Variants in B3GALT1 observed in about 807,000 individuals in gnomAD.
The protein encoded by B3GALT1 is beta-1,3-galactosyltransferase 1.
Under a neutral mutation model 23.2 loss-of-function variants are expected in B3GALT1, and 10 were observed. The observed-to-expected ratio is 0.43, with a 90% CI of 0.27 to 0.73. The LOEUF (loss-of-function observed/expected upper bound fraction) is 0.73. Among genes scored for constraint, B3GALT1 ranks in the 30% least tolerant of loss-of-function variants. The probability of loss-of-function intolerance (pLI) is 0.21; values close to 1 mark genes in which losing one functional copy is unlikely to be tolerated. For synonymous variants in B3GALT1, 156 were observed against 141.5 expected, an observed-to-expected ratio of 1.10 and a Z score of -0.73; for missense variants, 299 against 405.4, an observed-to-expected ratio of 0.74 and a Z score of 2.25.
chr2:167,621,625 T>A (rs1216925063), intron 2 of B3GALT1, among the ~76,000 whole-genome samples: 1 of 152,036 alleles, frequency 6.6e-6, no homozygotes, highest in African/African-American at 2.4e-5. Context: ...CCAAATCTCA[T>A]CTTGAATTGT....
At chr2:167,810,174 C>G (rs1326728394) in intron 3 of B3GALT1, among the ~76,000 whole-genome samples, 1 of 150,952 alleles carries the variant, frequency 6.6e-6, no homozygotes, top group Non-Finnish European at 1.5e-5. Flanking sequence ...TTTCCAGGTG[C>G]CATCTGTCAC....
intron 4 of B3GALT1, among the ~76,000 whole-genome samples, chr2:167,822,594 G>C (rs1410606484): frequency 1.3e-5 from 2 of 152,170 alleles, no homozygotes; most frequent in Non-Finnish European, 2.9e-5. Flanking sequence ...ACTCTGAGTT[G>C]CCTACACACA....
intron 1 of B3GALT1, among the ~76,000 whole-genome samples, chr2:167,461,525 A>G (rs1026875541): frequency 3.3e-5 from 5 of 152,110 alleles, no homozygotes; most frequent in African/African-American, 1.2e-4. Flanking sequence ...ATCAGAGGCC[A>G]CCTCTGTACC....
intron 2 of B3GALT1, among the ~76,000 whole-genome samples, chr2:167,587,084 T>C (rs1191605467): frequency 6.6e-6 from 1 of 152,208 alleles, no homozygotes; most frequent in Non-Finnish European, 1.5e-5. Flanking sequence ...CTCTAAGAAG[T>C]CTTAATTACT....
rs192713914 is a variant in B3GALT1, at chr2:167,458,859, T to C, written c.-510-31318T>C. Reference sequence around the variant, plus strand: ...ATGCAACTAAGTTTTTTGTATTGACTGTATCCTGATACTTTGCTGAACTTA... The same window carrying C: ...ATGCAACTAAGTTTTTTGTATTGACCGTATCCTGATACTTTGCTGAACTTA... On this transcript the variant is annotated intron_variant, in intron 1 of 4. Coordinates refer to ENST00000392690, the MANE Select transcript of B3GALT1 (RefSeq NM_020981.4). Among the ~76,000 whole-genome samples the C allele has an allele frequency of 3.7e-3, 552 of 150,568 alleles. 24 individuals are homozygous for C. In the East Asian group the frequency reaches 0.096, roughly 26 times the overall value.
Position 167,305,970 on chromosome 2 carries a change from A to G in B3GALT1, c.-511+12636A>G, listed in dbSNP as rs577597117. Among the ~76,000 whole-genome samples, 8 of 152,212 alleles carry G rather than the reference A, an allele frequency of 5.3e-5. No individual in the cohort carries two copies. The South Asian group carries it at 8.3e-4, about 16-fold the overall frequency. On this transcript the variant is annotated intron_variant, in intron 1 of 4. Transcript: ENST00000392690. ...TATGCTGTGAATCTGGTGCTTTCAG[A>G]TACTCTTTGGTGCAATTGAAATCGG...
intron 2 of B3GALT1, among the ~76,000 whole-genome samples, chr2:167,587,879 G>C (rs1453501709): frequency 6.6e-6 from 1 of 152,144 alleles, no homozygotes; most frequent in African/African-American, 2.4e-5. Flanking sequence ...TAATTGGAGA[G>C]ACAGTCTTAA....
intron 1 of B3GALT1, among the ~76,000 whole-genome samples, chr2:167,473,030 T>C (rs945931446): frequency 4.6e-5 from 7 of 152,124 alleles, no homozygotes; most frequent in African/African-American, 1.7e-4. Context: ...AATTAAGAAA[T>C]CTGTATCGGG....
chr2:167,655,464 A>G (rs1345705567), intron 3 of B3GALT1, among the ~76,000 whole-genome samples: 1 of 152,190 alleles, frequency 6.6e-6, no homozygotes, highest in East Asian at 1.9e-4. Flanking sequence ...AAAATTAACA[A>G]TTTAGAGCCT....
At chr2:167,626,158 A>G (rs1685340254) in intron 2 of B3GALT1, among the ~76,000 whole-genome samples, 1 of 151,298 alleles carries the variant, frequency 6.6e-6, no homozygotes, top group Non-Finnish European at 1.5e-5. Flanking sequence ...TATTTAAGTA[A>G]ATACCATATT....
At chr2:167,799,121 C>A (rs932134720) in intron 3 of B3GALT1, among the ~76,000 whole-genome samples, 6 of 152,110 alleles carry the variant, frequency 3.9e-5, no homozygotes, top group South Asian at 2.1e-4. Flanking sequence ...GATACCATTT[C>A]CTTAATATAG....
chr2:167,706,635 T>C (rs976307517), intron 3 of B3GALT1, among the ~76,000 whole-genome samples: 2 of 152,132 alleles, frequency 1.3e-5, no homozygotes, highest in Non-Finnish European at 2.9e-5. Flanking sequence ...AAGCAGGAGA[T>C]GAAAACTAAA....
intron 1 of B3GALT1, among the ~76,000 whole-genome samples, chr2:167,331,007 T>C (rs548730243): frequency 6.6e-6 from 1 of 152,332 alleles, no homozygotes; most frequent in South Asian, 2.1e-4. Flanking sequence ...GATGTTTTTT[T>C]CTGAAGTTGT....
intron 3 of B3GALT1, among the ~76,000 whole-genome samples, chr2:167,673,669 G>T (rs1170792908): frequency 1.3e-5 from 2 of 151,704 alleles, no homozygotes; most frequent in East Asian, 3.9e-4. Context: ...ACCCAAAAGG[G>T]TCTTAAACAA....
intron 2 of B3GALT1, among the ~76,000 whole-genome samples, chr2:167,556,283 T>C (rs1230891079): frequency 6.6e-6 from 1 of 152,096 alleles, no homozygotes; most frequent in African/African-American, 2.4e-5. Flanking sequence ...TGCTTAAAAC[T>C]GAGCGCAAAT....
At chr2:167,803,105 C>T (rs1558983984) in intron 3 of B3GALT1, among the ~76,000 whole-genome samples, 1 of 151,132 alleles carries the variant, frequency 6.6e-6, no homozygotes, top group Non-Finnish European at 1.5e-5. Flanking sequence ...CACACACACA[C>T]ACACACACAC....
intron 4 of B3GALT1, among the ~76,000 whole-genome samples, chr2:167,837,316 C>T (rs371327539): frequency 1.6e-4 from 24 of 151,620 alleles, no homozygotes; most frequent in Admixed American, 7.9e-4. Flanking sequence ...AGGCTCAAAA[C>T]AAAAGGATGG....
chr2:167,664,060 G>A (rs1289569589), intron 3 of B3GALT1, among the ~76,000 whole-genome samples: 1 of 150,952 alleles, frequency 6.6e-6, no homozygotes, highest in Admixed American at 6.6e-5. Flanking sequence ...GAATGGTAAT[G>A]CCTAGGTTTT....
chr2:167,747,893 G>C (rs138543899), intron 3 of B3GALT1, among the ~76,000 whole-genome samples: 12 of 152,216 alleles, frequency 7.9e-5, no homozygotes, highest in African/African-American at 2.9e-4. Context: ...AGCAGAACTG[G>C]TCAAAAGTCT....
Sources: allele counts gnomAD v4.1 joint callset (sites outside exome capture counted in the v4.1 genomes callset), GRCh38; gene constraint gnomAD v4.1.1; transcripts MANE v1.5; gene names NCBI Gene and HGNC (gene_info 2026-07-23, HGNC 2026-07-21).